The following STING1 variants were observed in gnomAD, a reference collection of about 807,000 sequenced individuals.
The protein encoded by STING1 is stimulator of interferon response cGAMP interactor 1.
A neutral mutation model predicts 31.6 loss-of-function variants in STING1; 19 were observed. The ratio of observed to expected loss-of-function variants is 0.60; its 90% CI spans 0.42 to 0.88. The LOEUF (loss-of-function observed/expected upper bound fraction) is 0.88, where lower values mean the gene tolerates loss of function less well. Ranked by LOEUF, STING1 falls within the 40% of genes least tolerant of loss-of-function variation. STING1 has a pLI of 0.00. For synonymous variants in STING1, 200 were observed against 208.6 expected (o/e 0.96, Z 0.35); for missense variants, 371 against 483.7 (o/e 0.77, Z 2.19).
chr5:139,477,590 C>A (rs531308524), intron 6 of STING1, 75 bp from the exon 7 acceptor site: 939 of 1,486,486 alleles, frequency 6.3e-4, no homozygotes, highest in Non-Finnish European at 8.0e-4. Flanking sequence ...AGTCCAGGCT[C>A]TGGCCCCCAG....
intron 5 of STING1, among the ~76,000 whole-genome samples, chr5:139,479,664 T>G (rs994968613): frequency 1.4e-5 from 2 of 148,080 alleles, no homozygotes; most frequent in African/African-American, 5.0e-5. Context: ...ATTGTGCCAC[T>G]CTACTTCAGC....
In STING1 at chr5:139,481,007, C is replaced by G. The variant is rs1204272997; in HGVS notation, c.412-109G>C. The stretch of plus-strand genomic sequence containing the variant: ...GCTCCTGACTTGATCCCTCTTTTGC[C>G]ATTGCCAAACCCACTGTTCCAGGAC... On this transcript the variant is annotated intron_variant, in intron 4 of 7. Transcript: ENST00000330794. The surrounding 1 kb of genome is among the most constrained non-coding windows in gnomAD (Gnocchi z 4.1). 2 of 1,196,184 alleles carry G rather than the reference C, an allele frequency of 1.7e-6. No homozygotes were observed. Among genetic ancestry groups the G allele is most frequent in the Non-Finnish European group, 2.4e-6 (2 of 818,664 alleles). 74.1% of individuals were successfully genotyped at this position (1,196,184 alleles called of 1,614,324 possible).
chr5:139,477,344 G>C lies in STING1; in HGVS notation c.931C>G (p.Leu311Val). Residue 311 changes from leucine (L) to valine (V), a missense_variant, in exon 7 of 8, where the codon CTC (leucine) becomes GTC (valine). Physicochemically the swap from Leu to Val is conservative, Grantham distance 32 (BLOSUM62 1). Transcript: ENST00000330794. ...AACCCCTCACCCTGGTAGGCAATGA[G>C]GCGGCAGTTGTTCTGAGACTCAGGG... Reference protein sequence around the residue: ...DAPESQNNCRLIAYQEPADDS... With the variant: ...DAPESQNNCRVIAYQEPADDS... The C allele has an allele frequency of 6.2e-7, 1 of 1,613,964 alleles. No individual in the cohort carries two copies. Among genetic ancestry groups the C allele is most frequent in the Non-Finnish European group, 8.5e-7 (1 of 1,180,006 alleles).
Position 139,476,237 on chromosome 5 carries a change from G to A in STING1, c.*24C>T. On this transcript the variant is annotated 3_prime_UTR_variant, in exon 8 of 8. Transcript: ENST00000330794. ...TCCAGAGGCTTGGAGACCACTGGAG[G>A]CTCTGGCCTGGTGACCCTGGGTCTC... 6.5e-7 allele frequency: 1 copy of A among 1,545,648 alleles called. No homozygotes were observed. Among genetic ancestry groups the A allele is most frequent in the Non-Finnish European group, 8.8e-7 (1 of 1,141,936 alleles).
chr5:139,478,342 G>T lies in STING1; in HGVS notation c.687C>A (p.Thr229=). ...IRFLDKLPQQ[T]GDHAGIKDRV... is the part of the protein sequence containing the mutation. ...GATCCTTGATGCCAGCATGGTCACC[G>T]GTCTGCTGGGGCAGTTTATCCAGGA... Residue 229 remains threonine, a synonymous_variant, in exon 6 of 8, where the codon ACC becomes ACA. Transcript: ENST00000330794. 6.2e-7 allele frequency: 1 copy of T among 1,614,134 alleles called. No individual in the cohort carries two copies.
chr5:139,478,273 C>T lies in STING1; in HGVS notation c.756G>A (p.Gln252=), dbSNP rs1321016425. 1 of 1,612,076 alleles carries T rather than the reference C, an allele frequency of 6.2e-7. No homozygotes were observed. Among genetic ancestry groups the T allele is most frequent in the Non-Finnish European group, 8.5e-7 (1 of 1,178,760 alleles). ...NSIYELLENG[Q]RAGTCVLEYA... ...CCCCACTCCCCTGCACACTTACCCGCTGCCCGTTCTCCAGAAGCTCATAGA... is the reference window on the plus strand; with the variant it reads ...CCCCACTCCCCTGCACACTTACCCGTTGCCCGTTCTCCAGAAGCTCATAGA... Residue 252 remains glutamine, a synonymous_variant, in exon 6 of 8, where the codon CAG becomes CAA. Coordinates refer to ENST00000330794, the MANE Select transcript of STING1 (RefSeq NM_198282.4).
intron 5 of STING1, among the ~76,000 whole-genome samples, chr5:139,480,208 G>A (rs184871895): frequency 6.6e-6 from 1 of 152,052 alleles, no homozygotes; most frequent in East Asian, 1.9e-4. Flanking sequence ...TCCTCATAGG[G>A]TGTGAATTAG....
rs909221681 is a variant in STING1 at position 139,481,864 on chromosome 5, T to G, written c.1-160A>C. The G allele has an allele frequency of 8.1e-6, 5 of 619,376 alleles. No individual in the cohort carries two copies. In the Admixed American group the frequency reaches 1.5e-4, roughly 18 times the overall value. The allele number at this position is 619,376 out of a possible 1,614,324, so 38.4% of individuals were successfully genotyped here. A position where few individuals can be genotyped will look rare whatever the true frequency, so the allele number is the denominator to read the frequency against. ...ACACCTCTAGGAGGCAGGCTGGGAA[T>G]AAGTCACCCCAAAGCTCCTGTCTCA... On this transcript the variant is annotated intron_variant, in intron 2 of 7. Transcript: ENST00000330794. The surrounding 1 kb of genome is among the most constrained non-coding windows in gnomAD (Gnocchi z 4.1).
rs752003355 is a variant in STING1, at chr5:139,477,367, G to A, written c.908C>T (p.Pro303Leu). ...GAGGCGGCAGTTGTTCTGAGACTCAGGGGCATCTGCCAGGATGTCCTCAAG... is the reference window on the plus strand; with the variant it reads ...GAGGCGGCAGTTGTTCTGAGACTCAAGGGCATCTGCCAGGATGTCCTCAAG... ...RTLEDILADA[P>L]ESQNNCRLIA... is the part of the protein sequence containing the mutation. Residue 303 changes from proline (P) to leucine (L), a missense_variant, in exon 7 of 8, where the codon CCT becomes CTT. Transcript: ENST00000330794. 1.2e-6 allele frequency: 2 copies of A among 1,614,176 alleles called. No individual in the cohort carries two copies. The highest frequency in any genetic ancestry group is 1.7e-6 in the Non-Finnish European group (2 of 1,180,022).
rs1751645695 is a variant in STING1, at chr5:139,475,955, C to G, written c.*306G>C. 3.9e-6 allele frequency: 1 copy of G among 254,194 alleles called. No homozygotes were observed. Among genetic ancestry groups the G allele is most frequent in the Non-Finnish European group, 7.6e-6 (1 of 131,366 alleles). The allele number at this position is 254,194 out of a possible 1,614,324, so 15.7% of individuals were successfully genotyped here. On this transcript the variant is annotated 3_prime_UTR_variant, in exon 8 of 8. Coordinates refer to ENST00000330794, the MANE Select transcript of STING1 (RefSeq NM_198282.4). ...GGCCCCATGAAAGACACCTGGCACACCCCCTAAGTACACTAGCATCCAAAG... is the reference window on the plus strand; with the variant it reads ...GGCCCCATGAAAGACACCTGGCACAGCCCCTAAGTACACTAGCATCCAAAG...
In STING1 at chr5:139,482,320, A is replaced by G. The variant is rs1436109127; in HGVS notation, c.-93-18T>C. On this transcript the variant is annotated intron_variant, in intron 1 of 7. Coordinates refer to ENST00000330794, the MANE Select transcript of STING1 (RefSeq NM_198282.4). ...AGTGCAGCCTGAAAATGAGATGTTAACAACGATTGGTTTCTCCACAACACT... is the reference window on the plus strand; with the variant it reads ...AGTGCAGCCTGAAAATGAGATGTTAGCAACGATTGGTTTCTCCACAACACT... The G allele has an allele frequency of 6.6e-6, 1 of 152,200 alleles. No homozygotes were observed. The highest frequency in any genetic ancestry group is 2.4e-5 in the African/African-American group (1 of 41,440). 9.4% of individuals were successfully genotyped at this position (152,200 alleles called of 1,614,324 possible).
chr5:139,479,848 C>CAAAAAAAAA (rs1168023127), intron 5 of STING1, among the ~76,000 whole-genome samples: 34 of 34,918 alleles, frequency 9.7e-4, no homozygotes, highest in East Asian at 2.8e-3. Flanking sequence ...ACTAAAAATA[C>CAAAAAAAAA]AAAAAAAAAA....
rs745313338 is a variant in STING1 at position 139,480,801 on chromosome 5, A to G, written c.509T>C (p.Leu170Pro). 8 of 1,612,832 alleles carry G rather than the reference A, an allele frequency of 5.0e-6. No individual in the cohort carries two copies. In the South Asian group the frequency reaches 8.8e-5, roughly 18 times the overall value. The change falls in exon 5 of 8, where the codon CTG becomes CCG. Residue 170 changes from leucine (L) to proline (P), a missense_variant. Transcript: ENST00000330794. ...AWSYYIGYLR[L>P]ILPELQARIR... ...AGAGGATGGCCCACCTGGCAGGATC[A>G]GCCGCAGATATCCGATGTAATATGA...
chr5:139,480,322 G>A (rs761772271), intron 5 of STING1, among the ~76,000 whole-genome samples: 6 of 152,148 alleles, frequency 3.9e-5, no homozygotes, highest in Non-Finnish European at 5.9e-5. Flanking sequence ...TAAGGCAGGC[G>A]GATCACTTGA....
At position 139,476,449 on chromosome 5, in the gene STING1, C is replaced by A. The variant is rs1561482019; in HGVS notation, c.952G>T (p.Ala318Ser). The change falls in exon 8 of 8, where the codon GCA becomes TCA. Residue 318 changes from alanine (A) to serine (S), a missense_variant. Coordinates refer to ENST00000330794, the MANE Select transcript of STING1 (RefSeq NM_198282.4). ...NCRLIAYQEPADDSSFSLSQE... is the reference protein window; with the variant it reads ...NCRLIAYQEPSDDSSFSLSQE... Reference sequence around the variant, plus strand: ...GACAGCGAGAAGCTGCTGTCATCTGCAGGTTCTGGAACAGGGAGATAGGGG... The same window carrying A: ...GACAGCGAGAAGCTGCTGTCATCTGAAGGTTCTGGAACAGGGAGATAGGGG... 1.2e-6 allele frequency: 2 copies of A among 1,612,128 alleles called. No individual in the cohort carries two copies. The highest frequency in any genetic ancestry group is 2.2e-5 in the East Asian group (1 of 44,876).
chr5:139,479,848 C>CAAAAAAAAAAAAAAAAAA (rs1168023127), intron 5 of STING1, among the ~76,000 whole-genome samples: 1 of 34,916 alleles, frequency 2.9e-5, no homozygotes, highest in Non-Finnish European at 4.2e-5. Context: ...ACTAAAAATA[C>CAAAAAAAAAAAAAAAAAA]AAAAAAAAAA....
intron 6 of STING1, among the ~76,000 whole-genome samples, chr5:139,477,867 C>A (rs1751710090): frequency 6.6e-6 from 1 of 152,218 alleles, no homozygotes; most frequent in African/African-American, 2.4e-5. Flanking sequence ...CCTGCACCCA[C>A]ATGAATCCTT....
Position 139,480,890 on chromosome 5 carries a change from G to A in STING1, c.420C>T (p.Ala140=). The change falls in exon 5 of 8, where the codon GCC becomes GCT. Residue 140 remains alanine, a synonymous_variant. Transcript: ENST00000330794. ...LNILLGLKGL[A]PAEISAVCEK... is the part of the protein sequence containing the mutation. ...CACACACTGCAGAGATCTCAGCTGG[G>A]GCCAGGCCCTGTGGACAGCAGGATG... is the stretch of plus-strand genomic sequence containing the variant. 6.2e-7 allele frequency: 1 copy of A among 1,613,562 alleles called. No individual in the cohort carries two copies. Among genetic ancestry groups the A allele is most frequent in the Non-Finnish European group, 8.5e-7 (1 of 1,179,600 alleles).
rs752669407 is a variant in STING1 at position 139,481,722 on chromosome 5, T to C, written c.1-18A>G. The C allele has an allele frequency of 6.3e-7, 1 of 1,581,372 alleles. No homozygotes were observed. Among genetic ancestry groups the C allele is most frequent in the Non-Finnish European group, 8.7e-7 (1 of 1,155,474 alleles). On this transcript the variant is annotated intron_variant, in intron 2 of 7. Transcript: ENST00000330794. The surrounding 1 kb of genome is among the most constrained non-coding windows in gnomAD (Gnocchi z 4.1). ...TGGGGCATCTGTGGGCACCAAGAAATCCATGACCATTCTCCCCTTGCCCTC... is the reference window on the plus strand; with the variant it reads ...TGGGGCATCTGTGGGCACCAAGAAACCCATGACCATTCTCCCCTTGCCCTC...
Sources: allele counts gnomAD v4.1 joint callset (sites outside exome capture counted in the v4.1 genomes callset), GRCh38; gene constraint gnomAD v4.1.1; non-coding constraint Gnocchi (gnomAD v3.1); transcripts MANE v1.5; gene names NCBI Gene and HGNC (gene_info 2026-07-23, HGNC 2026-07-21).